The following FRMD5 variants were observed in gnomAD, a reference collection of about 807,000 sequenced individuals.
The protein encoded by FRMD5 is FERM domain containing 5.
In FRMD5, 20 loss-of-function variants were observed where a neutral mutation model predicts 69.0. The observed-to-expected ratio is 0.29, with a 90% CI of 0.20 to 0.42. The LOEUF is 0.42. Among genes scored for constraint, FRMD5 ranks in the 10% least tolerant of loss-of-function variants. FRMD5 has a pLI of 1.00. For missense variants in FRMD5, 595 were observed against 708.6 expected (o/e 0.84, Z 1.82); for synonymous variants, 271 against 260.1 (o/e 1.04, Z -0.40).
Position 44,121,651 on chromosome 15 carries a change from C to CA in FRMD5, c.102+73301dup, listed in dbSNP as rs528072178. Among the ~76,000 whole-genome samples the CA allele has an allele frequency of 5.8e-3, 789 of 135,200 alleles. 9 individuals are homozygous for CA. Among genetic ancestry groups the CA allele is most frequent in the African/African-American group, 0.018 (665 of 36,974 alleles). 88.7% of individuals were successfully genotyped at this position (135,200 alleles called of 152,430 possible). On this transcript the variant is annotated intron_variant, in intron 1 of 13. Transcript: ENST00000417257. ...TCCAGGCTTTAAAGGGGAAACTTAC[C>CA]AAAAAAAAAACAAAAACAAAAACAA...
At chr15:44,197,039 C>T (rs545433066), upstream of FRMD5, among the ~76,000 whole-genome samples, 1 of 151,982 alleles carries the variant, frequency 6.6e-6, no homozygotes, top group African/African-American at 2.4e-5. Flanking sequence ...AAGTGTTGAA[C>T]TGAATACAAA....
At chr15:44,112,006 G>T (rs1214856947) in intron 1 of FRMD5, among the ~76,000 whole-genome samples, 1 of 152,004 alleles carries the variant, frequency 6.6e-6, no homozygotes, top group Non-Finnish European at 1.5e-5. Context: ...ACCACATCCG[G>T]CTAATTTTTT....
chr15:44,183,597 A>G (rs1053810429), intron 1 of FRMD5, among the ~76,000 whole-genome samples: 1 of 152,188 alleles, frequency 6.6e-6, no homozygotes, highest in African/African-American at 2.4e-5. Context: ...TGATTGTTGA[A>G]TATTTTAAAT....
chr15:43,996,679 G>A (rs1458619255), intron 1 of FRMD5, among the ~76,000 whole-genome samples: 1 of 147,068 alleles, frequency 6.8e-6, no homozygotes, highest in Non-Finnish European at 1.5e-5. Flanking sequence ...ATCTGAGTGG[G>A]GATTGCCTTT....
intron 1 of FRMD5, among the ~76,000 whole-genome samples, chr15:43,945,943 C>G (rs2089939790): frequency 2.0e-5 from 3 of 152,080 alleles, no homozygotes; most frequent in Admixed American, 2.0e-4. Flanking sequence ...GTAATCCCAG[C>G]TACTTGGGAG....
chr15:44,125,527 T>G (rs2077013979), intron 1 of FRMD5, among the ~76,000 whole-genome samples: 1 of 152,190 alleles, frequency 6.6e-6, no homozygotes, highest in Non-Finnish European at 1.5e-5. Flanking sequence ...AAAATTCCTT[T>G]GCTTTACCTC....
chr15:44,142,236 A>G (rs2077285109), intron 1 of FRMD5, among the ~76,000 whole-genome samples: 1 of 152,182 alleles, frequency 6.6e-6, no homozygotes, highest in African/African-American at 2.4e-5. Flanking sequence ...ATATTTTTCT[A>G]TCTGGCCATC....
chr15:43,980,647 T>C (rs1209817822), intron 1 of FRMD5, among the ~76,000 whole-genome samples: 1 of 152,224 alleles, frequency 6.6e-6, no homozygotes, highest in African/African-American at 2.4e-5. Context: ...TGAGTATCAC[T>C]GAAAATTTAA....
At chr15:43,958,258 T>C (rs2140530871) in intron 1 of FRMD5, among the ~76,000 whole-genome samples, 1 of 152,122 alleles carries the variant, frequency 6.6e-6, no homozygotes. Context: ...TGCTGAATAA[T>C]GTACTGAGAG....
chr15:44,014,755 A>G (rs1890881176), intron 1 of FRMD5, among the ~76,000 whole-genome samples: 1 of 152,100 alleles, frequency 6.6e-6, no homozygotes. Flanking sequence ...AGAAAAAAGA[A>G]AAAAAAAGAA....
intron 5 of FRMD5, among the ~76,000 whole-genome samples, chr15:43,908,327 C>CAA (rs58337379): frequency 1.9e-5 from 2 of 107,916 alleles, no homozygotes; most frequent in African/African-American, 7.2e-5. Context: ...GATCCTGTCT[C>CAA]AAAAAAAAAA....
chr15:43,993,360 T>G (rs1889775515), intron 1 of FRMD5, among the ~76,000 whole-genome samples: 2 of 152,034 alleles, frequency 1.3e-5, no homozygotes, highest in African/African-American at 4.8e-5. Context: ...GCCCGGCTAA[T>G]TTTTTTGTAT....
intron 4 of FRMD5, among the ~76,000 whole-genome samples, chr15:43,917,239 G>A (rs1852130746): frequency 2.0e-5 from 3 of 152,174 alleles, no homozygotes; most frequent in African/African-American, 7.2e-5. Flanking sequence ...AGACGTGTTA[G>A]GTTTGCTCCG....
chr15:44,059,940 C>T (rs1466862388), intron 1 of FRMD5, among the ~76,000 whole-genome samples: 1 of 152,152 alleles, frequency 6.6e-6, no homozygotes, highest in Non-Finnish European at 1.5e-5. Flanking sequence ...AGATCAAGTC[C>T]CTGAACACCT....
chr15:44,100,422 G>A (rs556752710), intron 1 of FRMD5, among the ~76,000 whole-genome samples: 2 of 152,130 alleles, frequency 1.3e-5, no homozygotes, highest in East Asian at 3.9e-4. Flanking sequence ...GCAGCAAATG[G>A]AATCCACAGC....
At chr15:43,901,918 C>T in intron 7 of FRMD5, 1 of 447,082 alleles carries the variant, frequency 2.2e-6, no homozygotes, top group Non-Finnish European at 4.0e-6. Flanking sequence ...CCAAATTACC[C>T]ATTGCGGGGC....
At chr15:43,955,975 C>G (rs1025325428) in intron 1 of FRMD5, among the ~76,000 whole-genome samples, 1 of 152,136 alleles carries the variant, frequency 6.6e-6, no homozygotes, top group African/African-American at 2.4e-5. Flanking sequence ...TACATGCAAA[C>G]AAGGACCACT....
Position 43,885,705 on chromosome 15 carries a change from A to T in FRMD5, c.935T>A (p.Phe312Tyr). ...VRTVSSSNLFFKGSRFRYSGR... is the reference protein window; with the variant it reads ...VRTVSSSNLFYKGSRFRYSGR... ...CCTGTATCGGAACCGGCTCCCTTTA[A>T]AGAATAAATTGCTGCTGGACACTGT... Residue 312 changes from phenylalanine to tyrosine, a missense_variant, in exon 11 of 14, where the codon TTT becomes TAT. By Grantham distance (22) the Phe-to-Tyr change is conservative. Coordinates refer to ENST00000417257, the MANE Select transcript of FRMD5 (RefSeq NM_032892.5). The T allele has an allele frequency of 6.2e-7, 1 of 1,614,156 alleles. No individual in the cohort carries two copies.
At chr15:44,015,522 T>A (rs992167520) in intron 1 of FRMD5, among the ~76,000 whole-genome samples, 28 of 152,244 alleles carry the variant, frequency 1.8e-4, no homozygotes, top group African/African-American at 6.5e-4. Flanking sequence ...AGTGTTGCTC[T>A]AAGAAAAACT....
Sources: gnomAD v4.1 joint callset for allele counts (sites outside exome capture counted in the v4.1 genomes callset) on GRCh38, gnomAD v4.1.1 for gene constraint, MANE v1.5 for transcripts, NCBI Gene and HGNC (gene_info 2026-07-23, HGNC 2026-07-21) for gene names.